Variants in RAB8B observed in about 807,000 individuals in gnomAD.
RAB8B encodes ras-related protein Rab-8B.
In RAB8B, 11 loss-of-function variants were observed where a neutral mutation model predicts 32.0. The observed-to-expected ratio is 0.34, with a 90% CI of 0.22 to 0.57. RAB8B has a LOEUF of 0.57. RAB8B is among the 20% of genes least tolerant of loss of function. The pLI, the probability that RAB8B is intolerant of heterozygous loss-of-function variation, is 0.86. For synonymous variants in RAB8B, 103 were observed against 89.6 expected, an observed-to-expected ratio of 1.15 and a Z score of -0.85; for missense variants, 190 against 258.5, an observed-to-expected ratio of 0.73 and a Z score of 1.82.
chr15:63,245,631 G>T (rs1459504094), intron 2 of RAB8B, among the ~76,000 whole-genome samples: 1 of 152,186 alleles, frequency 6.6e-6, no homozygotes, highest in African/African-American at 2.4e-5. Context: ...CCCACAGGTT[G>T]AGGGCTGGGT....
At chr15:63,230,960 TAA>T (rs1243686815) in intron 1 of RAB8B, among the ~76,000 whole-genome samples, 2 of 152,302 alleles carry the variant, frequency 1.3e-5, no homozygotes, top group African/African-American at 4.8e-5. Context: ...CTGCCTCTAG[TAA>T]TTTGGTAAAG....
intron 1 of RAB8B, among the ~76,000 whole-genome samples, chr15:63,213,045 C>T (rs1246937825): frequency 6.6e-6 from 1 of 152,210 alleles, no homozygotes; most frequent in Non-Finnish European, 1.5e-5. Context: ...CTCCCTCCCT[C>T]TCTTCCTCCC....
chr15:63,244,735 C>G (rs753109411), intron 1 of RAB8B, 21 bp from the exon 2 acceptor site: 1 of 1,522,620 alleles, frequency 6.6e-7, no homozygotes, highest in Non-Finnish European at 9.1e-7. Context: ...CTTAACATAT[C>G]TTTCTTTGTT....
chr15:63,203,599 G>T lies in RAB8B; in HGVS notation c.124+13851G>T, dbSNP rs146993934. 5.6e-3 allele frequency among the ~76,000 whole-genome samples: 850 copies of T among 152,310 alleles called. 7 individuals are homozygous for T. The highest frequency in any genetic ancestry group is 0.018 in the African/African-American group (759 of 41,572). On this transcript the variant is annotated intron_variant, in intron 1 of 7. Transcript: ENST00000321437. ...TGGGGGCTTCATTGTTACAGCACTT[G>T]ATTTTAATAAGAGCTAACATTTATT...
At chr15:63,211,314 G>A (rs143448794) in intron 1 of RAB8B, among the ~76,000 whole-genome samples, 20 of 152,300 alleles carry the variant, frequency 1.3e-4, no homozygotes, top group Admixed American at 6.5e-4. Context: ...TGAAACTACA[G>A]CCAGATTGAG....
chr15:63,215,292 G>C (rs1484519799), intron 1 of RAB8B, among the ~76,000 whole-genome samples: 1 of 152,012 alleles, frequency 6.6e-6, no homozygotes, highest in African/African-American at 2.4e-5. Flanking sequence ...AAATTCATTT[G>C]TATACTTCCA....
intron 1 of RAB8B, among the ~76,000 whole-genome samples, chr15:63,198,371 G>GT (rs770217962): frequency 3.9e-5 from 6 of 152,130 alleles, no homozygotes; most frequent in Non-Finnish European, 8.8e-5. Context: ...CAGCCCAGAA[G>GT]TTTAATTCTT....
chr15:63,254,641 G>A (rs924372548), intron 3 of RAB8B, among the ~76,000 whole-genome samples: 4 of 152,022 alleles, frequency 2.6e-5, no homozygotes, highest in African/African-American at 4.8e-5. Flanking sequence ...GGCTGGGCGC[G>A]GTGGCTCACA....
intron 1 of RAB8B, among the ~76,000 whole-genome samples, chr15:63,199,088 G>A (rs1460106746): frequency 1.3e-5 from 2 of 152,178 alleles, no homozygotes; most frequent in African/African-American, 4.8e-5. Flanking sequence ...AGAGTCAACT[G>A]TTCCCCTTTT....
chr15:63,193,339 A>G (rs1476921648), intron 1 of RAB8B, among the ~76,000 whole-genome samples: 1 of 152,178 alleles, frequency 6.6e-6, no homozygotes, highest in African/African-American at 2.4e-5. Context: ...ATTTTCTTGT[A>G]TCTGACTTTT....
chr15:63,249,340 C>A (rs1315061202), intron 2 of RAB8B, among the ~76,000 whole-genome samples: 1 of 152,096 alleles, frequency 6.6e-6, no homozygotes, highest in Non-Finnish European at 1.5e-5. Context: ...CTATTCCCTC[C>A]CACGTGTGTT....
At chr15:63,197,028 C>T (rs2037606290) in intron 1 of RAB8B, among the ~76,000 whole-genome samples, 1 of 152,116 alleles carries the variant, frequency 6.6e-6, no homozygotes, top group Non-Finnish European at 1.5e-5. Flanking sequence ...AGTTTCATGC[C>T]CATTTTTAAT....
chr15:63,224,173 A>G (rs2037870490), intron 1 of RAB8B, among the ~76,000 whole-genome samples: 1 of 152,172 alleles, frequency 6.6e-6, no homozygotes, highest in Non-Finnish European at 1.5e-5. Context: ...TATTTTTATC[A>G]TTTGTAGTTG....
intron 1 of RAB8B, among the ~76,000 whole-genome samples, chr15:63,198,133 A>G (rs1275425015): frequency 6.6e-6 from 1 of 152,166 alleles, no homozygotes; most frequent in Non-Finnish European, 1.5e-5. Context: ...GAAGAAATAA[A>G]TCTGCTTTTC....
chr15:63,223,820 T>C, intron 1 of RAB8B: 1 of 410,326 alleles, frequency 2.4e-6, no homozygotes, highest in South Asian at 1.7e-5. Context: ...GAGTTTTTCT[T>C]TTGTCTTTAT....
intron 1 of RAB8B, among the ~76,000 whole-genome samples, chr15:63,217,894 G>A (rs942728215): frequency 2.7e-4 from 41 of 152,174 alleles, no homozygotes; most frequent in African/African-American, 9.2e-4. Flanking sequence ...CCTAGATTGA[G>A]AGTACAGAGC....
At chr15:63,236,124 C>G (rs1006800084) in intron 1 of RAB8B, among the ~76,000 whole-genome samples, 7 of 152,164 alleles carry the variant, frequency 4.6e-5, no homozygotes, top group Non-Finnish European at 7.3e-5. Flanking sequence ...ACTAAATGAT[C>G]TCTAAAGTAC....
intron 1 of RAB8B, among the ~76,000 whole-genome samples, chr15:63,211,973 A>G (rs530061561): frequency 9.5e-4 from 144 of 152,230 alleles, no homozygotes; most frequent in Non-Finnish European, 1.4e-3. Flanking sequence ...CTGGGACTAC[A>G]GGTGTGTCCC....
chr15:63,240,583 A>G (rs1041234384), intron 1 of RAB8B, among the ~76,000 whole-genome samples: 5 of 150,658 alleles, frequency 3.3e-5, no homozygotes, highest in African/African-American at 7.3e-5. Context: ...ACTGTTGCCT[A>G]TTTTCTAGGT....
Sources: allele counts gnomAD v4.1 joint callset (sites outside exome capture counted in the v4.1 genomes callset), GRCh38; gene constraint gnomAD v4.1.1; transcripts MANE v1.5; gene names NCBI Gene and HGNC (gene_info 2026-07-23, HGNC 2026-07-21).